Variants in GRM5 observed in about 807,000 individuals in gnomAD.
GRM5 encodes metabotropic glutamate receptor 5.
Under a neutral mutation model 83.1 loss-of-function variants are expected in GRM5, and 19 were observed. The ratio of observed to expected loss-of-function variants is 0.23; its 90% confidence interval spans 0.16 to 0.34. GRM5 has a LOEUF of 0.34. Among genes scored for constraint, GRM5 ranks in the 10% least tolerant of loss-of-function variants. GRM5 has a pLI of 1.00. For missense variants in GRM5, 1,160 were observed against 1,588.3 expected, an observed-to-expected ratio of 0.73 and a Z score of 4.58; for synonymous variants, 675 against 633.6, an observed-to-expected ratio of 1.07 and a Z score of -0.98.
intron 2 of GRM5, among the ~76,000 whole-genome samples, chr11:88,968,328 G>C (rs1939057262): frequency 6.6e-6 from 1 of 152,076 alleles, no homozygotes. Context: ...TACAGAATAG[G>C]CAAATCTAGA....
chr11:88,903,415 G>T (rs755591069), intron 2 of GRM5, among the ~76,000 whole-genome samples: 8 of 152,130 alleles, frequency 5.3e-5, no homozygotes, highest in Non-Finnish European at 4.4e-5. Context: ...CAAGGGAAAA[G>T]AATTCATTAT....
intron 3 of GRM5, among the ~76,000 whole-genome samples, chr11:88,713,138 C>T (rs1941317696): frequency 6.6e-6 from 1 of 151,880 alleles, no homozygotes; most frequent in African/African-American, 2.4e-5. Flanking sequence ...CTATATTGTG[C>T]CTCTTAGTCA....
chr11:88,905,589 G>T (rs895990496), intron 2 of GRM5, among the ~76,000 whole-genome samples: 2 of 152,126 alleles, frequency 1.3e-5, no homozygotes, highest in African/African-American at 4.8e-5. Context: ...TAATCTGTCT[G>T]CCTCGGCCTC....
chr11:88,559,586 C>A (rs1263551080), intron 8 of GRM5, among the ~76,000 whole-genome samples: 1 of 152,184 alleles, frequency 6.6e-6, no homozygotes, highest in East Asian at 1.9e-4. Flanking sequence ...TGGCCCATAG[C>A]AAGTGCTCAA....
chr11:88,924,480 A>T (rs1182896094), intron 2 of GRM5, among the ~76,000 whole-genome samples: 1 of 152,124 alleles, frequency 6.6e-6, no homozygotes, highest in African/African-American at 2.4e-5. Context: ...CTTGAAAAAG[A>T]AGGCAATCCT....
chr11:88,609,425 C>T (rs1307859226), intron 4 of GRM5, among the ~76,000 whole-genome samples: 2 of 152,122 alleles, frequency 1.3e-5, no homozygotes, highest in African/African-American at 2.4e-5. Flanking sequence ...CACTGATGGG[C>T]ATCTTGGTTG....
intron 2 of GRM5, among the ~76,000 whole-genome samples, chr11:88,965,652 T>C (rs533759482): frequency 6.6e-6 from 1 of 152,034 alleles, no homozygotes; most frequent in Non-Finnish European, 1.5e-5. Context: ...ACCAGGTATA[T>C]ATCATCAGGA....
At chr11:88,811,551 G>A (rs1160378274) in intron 3 of GRM5, among the ~76,000 whole-genome samples, 3 of 152,000 alleles carry the variant, frequency 2.0e-5, no homozygotes, top group Non-Finnish European at 4.4e-5. Flanking sequence ...TTGCTTTTTG[G>A]TCTGATATCA....
intron 1 of GRM5, among the ~76,000 whole-genome samples, chr11:89,057,597 G>A (rs748469794): frequency 2.0e-5 from 3 of 152,156 alleles, no homozygotes; most frequent in Non-Finnish European, 2.9e-5. Flanking sequence ...ACCTGGAACA[G>A]CCTTCTGCAG....
At chr11:88,669,369 A>G (rs1439440644) in intron 3 of GRM5, among the ~76,000 whole-genome samples, 2 of 152,144 alleles carry the variant, frequency 1.3e-5, no homozygotes, top group African/African-American at 2.4e-5. Context: ...TGAAGATAAC[A>G]CAACAGTAAA....
Position 88,816,170 on chromosome 11 carries a change from G to A in GRM5, c.911+33736C>T, listed in dbSNP as rs1169433151. ...GGAGCTTGCAGTGAGCCGAGATTGC[G>A]CCACTGCAGTCCGCAGTCCGGCCTG... is the stretch of plus-strand genomic sequence containing the variant. On this transcript the variant is annotated intron_variant, in intron 3 of 9. Transcript: ENST00000305447. Among the ~76,000 whole-genome samples the A allele has an allele frequency of 3.5e-4, 45 of 126,898 alleles. 1 individual carries two copies. Among genetic ancestry groups the A allele is most frequent in the African/African-American group, 1.3e-3 (39 of 30,088 alleles). 83.3% of individuals were successfully genotyped at this position (126,898 alleles called of 152,430 possible).
intron 2 of GRM5, among the ~76,000 whole-genome samples, chr11:88,893,691 T>A (rs753309525): frequency 6.6e-6 from 1 of 152,000 alleles, no homozygotes; most frequent in African/African-American, 2.4e-5. Context: ...AAACTCCAAA[T>A]GGAGCTTTAG....
At chr11:88,882,501 C>A (rs893953158) in intron 2 of GRM5, among the ~76,000 whole-genome samples, 1 of 148,984 alleles carries the variant, frequency 6.7e-6, no homozygotes, top group East Asian at 2.0e-4. Flanking sequence ...GTGGAGCTCG[C>A]AGTGAGCCGA....
At chr11:88,997,506 A>G (rs1048310095) in intron 2 of GRM5, among the ~76,000 whole-genome samples, 24 of 152,052 alleles carry the variant, frequency 1.6e-4, no homozygotes, top group Admixed American at 1.2e-3. Flanking sequence ...CAGTTACTTC[A>G]TTTAAAAAAA....
At chr11:88,570,456 T>G (rs1360531803) in intron 7 of GRM5, among the ~76,000 whole-genome samples, 1 of 149,978 alleles carries the variant, frequency 6.7e-6, no homozygotes, top group Non-Finnish European at 1.5e-5. Flanking sequence ...ATAGTTGGAA[T>G]TCAACCTCTG....
rs1374244854 is a variant in GRM5, at chr11:88,509,321, G to C, written c.2910C>G (p.Ser970Arg). The change falls in exon 10 of 10, where the codon AGC (serine) becomes AGG (arginine). Residue 970 changes from serine to arginine, a missense_variant. By Grantham distance (110) the Ser-to-Arg change is moderately radical. This residue lies in a region of GRM5 where 562 missense variants were observed against 532.4 expected (regional missense o/e 1.06). Coordinates refer to ENST00000305447, the MANE Select transcript of GRM5 (RefSeq NM_001143831.3). ...CGCCCGTGGCCCCCACGCCCCCAGC[G>C]CTCCCGCCTGCGCCAGCGCCAGCGC... Reference protein sequence around the residue: ...GLGAGAGAGGSAGGVGATGGA... With the variant: ...GLGAGAGAGGRAGGVGATGGA... 2 of 1,593,304 alleles carry C rather than the reference G, an allele frequency of 1.3e-6. No individual in the cohort carries two copies. Among genetic ancestry groups the C allele is most frequent in the Non-Finnish European group, 1.7e-6 (2 of 1,171,810 alleles).
intron 2 of GRM5, among the ~76,000 whole-genome samples, chr11:89,038,162 TG>T: frequency 1.3e-5 from 2 of 151,980 alleles, no homozygotes; most frequent in African/African-American, 4.8e-5. Context: ...TGTGTGTGTG[TG>T]TGTGTGTGTG....
chr11:88,867,870 G>C (rs924593304), intron 2 of GRM5, among the ~76,000 whole-genome samples: 1 of 151,810 alleles, frequency 6.6e-6, no homozygotes, highest in Non-Finnish European at 1.5e-5. Context: ...GAGTCTATTG[G>C]TTTGTTGTTA....
intron 3 of GRM5, among the ~76,000 whole-genome samples, chr11:88,783,141 T>G (rs927905674): frequency 1.3e-5 from 2 of 152,152 alleles, no homozygotes; most frequent in African/African-American, 4.8e-5. Flanking sequence ...GTGTCTACAC[T>G]TTTAAAAGGG....
Sources: gnomAD v4.1 joint callset for allele counts (sites outside exome capture counted in the v4.1 genomes callset) on GRCh38, gnomAD v4.1.1 for gene constraint, gnomAD v4.1.1 regional missense constraint, MANE v1.5 for transcripts, NCBI Gene and HGNC (gene_info 2026-07-23, HGNC 2026-07-21) for gene names.